The following OCA2 variants were observed in gnomAD, a reference collection of about 807,000 sequenced individuals.
The protein encoded by OCA2 is OCA2 melanosomal transmembrane protein.
OCA2 carries 77 observed loss-of-function variants against 100.2 expected under a neutral mutation model. The observed-to-expected ratio is 0.77, with a 90% confidence interval of 0.64 to 0.93. OCA2 has a LOEUF of 0.93. Among genes scored for constraint, OCA2 ranks in the 40% least tolerant of loss-of-function variants. OCA2 has a pLI of 0.00. For synonymous variants in OCA2, 432 were observed against 439.2 expected, an observed-to-expected ratio of 0.98 and a Z score of 0.21; for missense variants, 1,062 against 1,089.1, an observed-to-expected ratio of 0.98 and a Z score of 0.35.
chr15:28,011,673 T>A (rs146495721), intron 9 of OCA2, among the ~76,000 whole-genome samples: 1 of 151,888 alleles, frequency 6.6e-6, no homozygotes, highest in Non-Finnish European at 1.5e-5. Flanking sequence ...CCCAGAACTT[T>A]GGGAGGCTGA....
At chr15:27,984,981 G>A in intron 13 of OCA2, 83 bp downstream of exon 13, 5 of 1,550,334 alleles carry the variant, frequency 3.2e-6, no homozygotes, top group Non-Finnish European at 3.5e-6. Context: ...CCTGAGAATG[G>A]AACCTGGAGC....
chr15:27,943,396 A>G (rs897086253), intron 18 of OCA2, among the ~76,000 whole-genome samples: 7 of 152,184 alleles, frequency 4.6e-5, no homozygotes, highest in Non-Finnish European at 8.8e-5. Flanking sequence ...AAAGAAATCA[A>G]AGTATTTTAC....
chr15:27,835,906 G>C (rs1011900143), intron 23 of OCA2, among the ~76,000 whole-genome samples: 1 of 152,184 alleles, frequency 6.6e-6, no homozygotes, highest in African/African-American at 2.4e-5. Context: ...CAGTGGAGGG[G>C]GGGTGGTCAC....
intron 14 of OCA2, among the ~76,000 whole-genome samples, chr15:27,978,073 G>A (rs962403867): frequency 1.3e-5 from 2 of 152,206 alleles, no homozygotes; most frequent in African/African-American, 4.8e-5. Flanking sequence ...TTACTGAAAT[G>A]TGTGTTATTT....
In OCA2 at chr15:27,896,166, G is replaced by A. The variant is rs545331236; in HGVS notation, c.2080-24244C>T. The A allele has an allele frequency of 1.1e-5, 10 of 940,226 alleles. No homozygotes were observed. In the African/African-American group the frequency reaches 1.6e-4, roughly 15 times the overall value. The allele number at this position is 940,226 out of a possible 1,614,324, so 58.2% of individuals were successfully genotyped here. On this transcript the variant is annotated intron_variant, in intron 19 of 23. Coordinates refer to ENST00000354638, the MANE Select transcript of OCA2 (RefSeq NM_000275.3). ...TGCCAGAACTACCAGTGGCAATGAA[G>A]TTTTTGGTGCCCTGAAGAGAGCTGT...
At chr15:27,749,523 T>C in the OCA2 span, among the ~76,000 whole-genome samples, 1 of 152,096 alleles carries the variant, frequency 6.6e-6, no homozygotes, top group Non-Finnish European at 1.5e-5. Context: ...ATTAAAGGCA[T>C]AAAGATTGAG....
chr15:27,738,757 C>T, the OCA2 span, among the ~76,000 whole-genome samples: 3 of 151,346 alleles, frequency 2.0e-5, no homozygotes, highest in South Asian at 6.3e-4. Context: ...CGCAACTAAC[C>T]TACGGAGCTA....
chr15:27,951,446 T>C (rs1018592305), intron 18 of OCA2, among the ~76,000 whole-genome samples: 1 of 152,192 alleles, frequency 6.6e-6, no homozygotes, highest in African/African-American at 2.4e-5. Context: ...GCTCCATCTC[T>C]TCTGGGAACC....
chr15:28,014,163 T>C (rs1374308846), intron 9 of OCA2, among the ~76,000 whole-genome samples: 1 of 152,126 alleles, frequency 6.6e-6, no homozygotes, highest in African/African-American at 2.4e-5. Context: ...TTTGATTTCA[T>C]AGTTAAAGCA....
At chr15:28,047,630 A>G (rs186323947) in intron 2 of OCA2, among the ~76,000 whole-genome samples, 193 of 152,316 alleles carry the variant, frequency 1.3e-3, no homozygotes, top group African/African-American at 4.3e-3. Context: ...TAAAGGATAT[A>G]TATGAAAAAC....
chr15:27,778,792 G>GA (rs775114451), intron 23 of OCA2, among the ~76,000 whole-genome samples: 5 of 152,162 alleles, frequency 3.3e-5, no homozygotes, highest in African/African-American at 7.2e-5. Context: ...CAGAGACTTG[G>GA]AAAAAAGATT....
chr15:27,777,830 T>G (rs1424339739), intron 23 of OCA2, among the ~76,000 whole-genome samples: 1 of 152,196 alleles, frequency 6.6e-6, no homozygotes, highest in East Asian at 1.9e-4. Context: ...TGTTGACTAT[T>G]CTGACTGCCT....
intron 9 of OCA2, among the ~76,000 whole-genome samples, chr15:27,991,489 C>T (rs533441894): frequency 6.6e-6 from 1 of 152,078 alleles, no homozygotes; most frequent in Non-Finnish European, 1.5e-5. Context: ...AAGATGGGGT[C>T]GGTCCATCTA....
chr15:27,904,661 T>C (rs1023700537), intron 19 of OCA2, among the ~76,000 whole-genome samples: 1 of 152,044 alleles, frequency 6.6e-6, no homozygotes, highest in African/African-American at 2.4e-5. Flanking sequence ...CCTCCCCAAC[T>C]CCTGGGGATA....
chr15:27,942,742 G>A (rs1029312766), intron 18 of OCA2, among the ~76,000 whole-genome samples: 2 of 152,138 alleles, frequency 1.3e-5, no homozygotes, highest in Non-Finnish European at 2.9e-5. Flanking sequence ...GTGTTATGAT[G>A]AAATTTGGTA....
chr15:28,072,970 C>T (rs974061326), intron 2 of OCA2, among the ~76,000 whole-genome samples: 1 of 152,160 alleles, frequency 6.6e-6, no homozygotes, highest in Non-Finnish European at 1.5e-5. Flanking sequence ...AAAGAAAAAT[C>T]ATTCTACCAA....
chr15:27,785,749 C>A (rs1440510705), intron 23 of OCA2, among the ~76,000 whole-genome samples: 1 of 152,108 alleles, frequency 6.6e-6, no homozygotes, highest in African/African-American at 2.4e-5. Flanking sequence ...GGTATATACC[C>A]CAGTGAAATG....
At chr15:28,048,541 C>T (rs528886383) in intron 2 of OCA2, among the ~76,000 whole-genome samples, 18 of 152,058 alleles carry the variant, frequency 1.2e-4, no homozygotes, top group African/African-American at 3.6e-4. Context: ...AAACAATTGA[C>T]TCAAAATAGA....
chr15:28,012,573 C>T (rs887002727), intron 9 of OCA2, among the ~76,000 whole-genome samples: 3 of 151,762 alleles, frequency 2.0e-5, no homozygotes, highest in Non-Finnish European at 2.9e-5. Flanking sequence ...TAAATATCTG[C>T]TAGCCGTAAT....
Sources: allele counts gnomAD v4.1 joint callset (sites outside exome capture counted in the v4.1 genomes callset), GRCh38; gene constraint gnomAD v4.1.1; transcripts MANE v1.5; gene names NCBI Gene and HGNC (gene_info 2026-07-23, HGNC 2026-07-21).